The following BLTP1 variants were observed in gnomAD, a reference collection of about 807,000 sequenced individuals.
The protein encoded by BLTP1 is fragile site-associated protein.
chr4:122,189,742 TC>T, the BLTP1 span: 73 of 885,566 alleles, frequency 8.2e-5, no homozygotes, highest in Non-Finnish European at 9.7e-5. Context: ...AATTTTTTTT[TC>T]TTCTTGAAGT....
chr4:122,219,338 A>G, the BLTP1 span: 2 of 1,611,222 alleles, frequency 1.2e-6, no homozygotes, highest in Non-Finnish European at 8.5e-7. Context: ...TAATATTTAT[A>G]GGAAAACTAC....
chr4:122,340,894 T>G, the BLTP1 span: 32 of 892,654 alleles, frequency 3.6e-5, no homozygotes, highest in Non-Finnish European at 4.2e-5. Flanking sequence ...ATAACTAGTG[T>G]TGTCAGCGAT....
the BLTP1 span, chr4:122,202,450 C>T: frequency 4.8e-6 from 1 of 206,570 alleles, no homozygotes; most frequent in Admixed American, 6.5e-5. Context: ...AGATGAGTTA[C>T]AGAGAGGTAA....
At chr4:122,237,686 A>T in the BLTP1 span, 4 of 683,926 alleles carry the variant, frequency 5.8e-6, no homozygotes, top group African/African-American at 7.8e-5. Context: ...CGTTTAACAA[A>T]TTGCTATATG....
chr4:122,223,191 A>G, the BLTP1 span: 1 of 964,750 alleles, frequency 1.0e-6, no homozygotes, highest in Non-Finnish European at 1.2e-6. Context: ...TTGTAGTCAC[A>G]ATTTGAATTT....
At chr4:122,293,567 G>A in the BLTP1 span, among the ~76,000 whole-genome samples, 7 of 151,924 alleles carry the variant, frequency 4.6e-5, no homozygotes, top group Non-Finnish European at 7.4e-5. Context: ...CCTTGGGTCC[G>A]AAGCACAGAG....
chr4:122,361,372 C>T, the BLTP1 span, among the ~76,000 whole-genome samples: 2 of 152,098 alleles, frequency 1.3e-5, no homozygotes, highest in Non-Finnish European at 2.9e-5. Context: ...ATCAGCAGCT[C>T]TATGTATGTA....
the BLTP1 span, chr4:122,301,165 T>G: frequency 1.7e-6 from 2 of 1,155,054 alleles, no homozygotes; most frequent in Admixed American, 6.8e-5. Context: ...CTCAGTTAAA[T>G]GTAACTTAGC....
the BLTP1 span, chr4:122,219,216 C>T: frequency 6.9e-7 from 1 of 1,448,514 alleles, no homozygotes; most frequent in Non-Finnish European, 9.1e-7. Context: ...GACAATAGGC[C>T]TGATGCCTTT....
chr4:122,183,162 CCT>C, the BLTP1 span: 3 of 449,388 alleles, frequency 6.7e-6, no homozygotes, highest in Non-Finnish European at 8.8e-6. Context: ...ATAGTGAAAC[CCT>C]GTTTCTACAA....
chr4:122,286,653 C>G, the BLTP1 span: 2 of 1,613,948 alleles, frequency 1.2e-6, no homozygotes, highest in Non-Finnish European at 1.7e-6. Context: ...TTAACCTTCC[C>G]CCTGTTACCA....
chr4:122,199,971 A>C, the BLTP1 span: 6 of 969,872 alleles, frequency 6.2e-6, no homozygotes, highest in Non-Finnish European at 7.4e-6. Context: ...TTAATCAAGC[A>C]GATTATTATT....
chr4:122,239,463 G>T, the BLTP1 span: 1 of 1,352,310 alleles, frequency 7.4e-7, no homozygotes. Context: ...TTGTTTTTAT[G>T]CTTAAATTTT....
At chr4:122,181,323 C>T in the BLTP1 span, 1 of 519,912 alleles carries the variant, frequency 1.9e-6, no homozygotes, top group Non-Finnish European at 2.5e-6. Flanking sequence ...GAACACTCCT[C>T]TTTTTTCCTG....
At chr4:122,324,286 A>G in the BLTP1 span, 1 of 805,288 alleles carries the variant, frequency 1.2e-6, no homozygotes, top group Middle Eastern at 3.7e-4. Flanking sequence ...TTCCTCCTCT[A>G]TTTTGACTCA....
chr4:122,339,827 G>A, the BLTP1 span, among the ~76,000 whole-genome samples: 1 of 152,152 alleles, frequency 6.6e-6, no homozygotes, highest in Non-Finnish European at 1.5e-5. Context: ...TTATCACACT[G>A]GGTGAAAACT....
At chr4:122,346,847 T>A in the BLTP1 span, 1 of 1,538,336 alleles carries the variant, frequency 6.5e-7, no homozygotes, top group Non-Finnish European at 8.7e-7. Flanking sequence ...CTTGGCAGGG[T>A]GTACCATGTG....
chr4:122,173,101 A>C, the BLTP1 span: 1 of 1,610,520 alleles, frequency 6.2e-7, no homozygotes, highest in Non-Finnish European at 8.5e-7. Context: ...TGTTGGTCTT[A>C]TTTTAACACT....
the BLTP1 span, chr4:122,325,816 G>GTTTTTTTTTTTTTTATTTT: frequency 2.5e-6 from 2 of 786,100 alleles, no homozygotes. Context: ...TTTTTCATGA[G>GTTTTTTTTTTTTTTATTTT]TTTTTTTTTT....
Sources: allele counts gnomAD v4.1 joint callset (sites outside exome capture counted in the v4.1 genomes callset), GRCh38; gene constraint gnomAD v4.1.1; transcripts MANE v1.5; gene names NCBI Gene and HGNC (gene_info 2026-07-23, HGNC 2026-07-21).